The following LRFN2 variants were observed in gnomAD, a reference collection of about 807,000 sequenced individuals.
The protein encoded by LRFN2 is leucine rich repeat and fibronectin type III domain containing 2.
LRFN2 carries 18 observed loss-of-function variants against 37.3 expected under a neutral mutation model. The ratio of observed to expected loss-of-function variants is 0.48; its 90% CI spans 0.33 to 0.72. The LOEUF is 0.72. Among genes scored for constraint, LRFN2 ranks in the 30% least tolerant of loss-of-function variants. The pLI is 0.02. For synonymous variants in LRFN2, 556 were observed against 466.6 expected, an observed-to-expected ratio of 1.19 and a Z score of -2.47; for missense variants, 1,006 against 1,060.7, an observed-to-expected ratio of 0.95 and a Z score of 0.72.
chr6:40,418,052 C>T lies in LRFN2; in HGVS notation c.1400+13662G>A, dbSNP rs550788203. ...GCCCCAGCCCCAGAGGTTTCCGTCT[C>T]ATTCAAGATAAAATCCGAGGCCTCA... is the stretch of plus-strand genomic sequence containing the variant. On this transcript the variant is annotated intron_variant, in intron 2 of 2. Transcript: ENST00000338305. Among the ~76,000 whole-genome samples, 5 of 152,334 alleles carry T rather than the reference C, an allele frequency of 3.3e-5. No homozygotes were observed. In the South Asian group the frequency reaches 1.0e-3, roughly 32 times the overall value.
intron 1 of LRFN2, among the ~76,000 whole-genome samples, chr6:40,476,322 T>C (rs767862757): frequency 1.3e-5 from 2 of 152,250 alleles, no homozygotes; most frequent in Admixed American, 1.3e-4. Flanking sequence ...CTTTCTTTGA[T>C]AACACAGATG....
At chr6:40,532,616 G>T (rs1766367135) in intron 1 of LRFN2, among the ~76,000 whole-genome samples, 1 of 152,148 alleles carries the variant, frequency 6.6e-6, no homozygotes, top group Non-Finnish European at 1.5e-5. Context: ...CGGAAATCCT[G>T]TACCTCCTCC....
At chr6:40,568,124 T>C (rs1767122242) in intron 1 of LRFN2, among the ~76,000 whole-genome samples, 2 of 152,196 alleles carry the variant, frequency 1.3e-5, no homozygotes, top group African/African-American at 4.8e-5. Context: ...TTGACAGCAA[T>C]CTACTGACTG....
chr6:40,519,558 G>A (rs1765988928), intron 1 of LRFN2, among the ~76,000 whole-genome samples: 1 of 152,174 alleles, frequency 6.6e-6, no homozygotes, highest in African/African-American at 2.4e-5. Flanking sequence ...CTCCACTATG[G>A]CCATGACAAG....
At chr6:40,440,657 A>G (rs1434317752) in intron 1 of LRFN2, among the ~76,000 whole-genome samples, 1 of 152,106 alleles carries the variant, frequency 6.6e-6, no homozygotes, top group Non-Finnish European at 1.5e-5. Flanking sequence ...ACAGTCCCCA[A>G]CCAATGCTAG....
At chr6:40,540,209 C>T (rs143723097) in intron 1 of LRFN2, among the ~76,000 whole-genome samples, 23 of 152,318 alleles carry the variant, frequency 1.5e-4, no homozygotes, top group African/African-American at 5.5e-4. Flanking sequence ...CGGGGAAATA[C>T]TACTCAAAGT....
intron 1 of LRFN2, among the ~76,000 whole-genome samples, chr6:40,439,284 C>T (rs1763774849): frequency 6.6e-6 from 1 of 152,188 alleles, no homozygotes; most frequent in Non-Finnish European, 1.5e-5. Flanking sequence ...AATGGCCCCT[C>T]CAGGGTGCTC....
intron 1 of LRFN2, among the ~76,000 whole-genome samples, chr6:40,535,626 C>T (rs536541650): frequency 6.6e-6 from 1 of 152,270 alleles, no homozygotes; most frequent in East Asian, 1.9e-4. Context: ...GAGCCAGGCA[C>T]CCTCCTCCTG....
intron 1 of LRFN2, among the ~76,000 whole-genome samples, chr6:40,496,695 TC>T (rs1410175259): frequency 6.6e-6 from 1 of 152,012 alleles, no homozygotes; most frequent in Non-Finnish European, 1.5e-5. Flanking sequence ...TCTGCACTAA[TC>T]TATTTTATCT....
At chr6:40,532,264 C>T (rs1766357323) in intron 1 of LRFN2, among the ~76,000 whole-genome samples, 1 of 152,164 alleles carries the variant, frequency 6.6e-6, no homozygotes, top group East Asian at 1.9e-4. Flanking sequence ...GTCATCATAT[C>T]CCAGAGATGG....
intron 1 of LRFN2, among the ~76,000 whole-genome samples, chr6:40,456,383 T>C (rs1179280301): frequency 6.6e-6 from 1 of 152,142 alleles, no homozygotes; most frequent in Admixed American, 6.5e-5. Flanking sequence ...TCCTAGGAAA[T>C]GAATCTAGGA....
In LRFN2 at chr6:40,465,750, T is replaced by A. The variant is rs543474864; in HGVS notation, c.-18-32619A>T. On this transcript the variant is annotated intron_variant, in intron 1 of 2. Transcript: ENST00000338305. ...TCTGGGAATTTGGGGACTGGAGAGA[T>A]ACCCCACAATACCAGGAGTGAGGAG... Among the ~76,000 whole-genome samples the A allele has an allele frequency of 3.3e-4, 50 of 152,186 alleles. 1 individual carries two copies. The South Asian group carries it at 0.01, about 31-fold the overall frequency.
chr6:40,488,201 A>C (rs1200388059), intron 1 of LRFN2, among the ~76,000 whole-genome samples: 1 of 152,142 alleles, frequency 6.6e-6, no homozygotes, highest in African/African-American at 2.4e-5. Context: ...CAAGGAGAGC[A>C]CCTGTCAGGA....
intron 1 of LRFN2, among the ~76,000 whole-genome samples, chr6:40,541,005 G>A (rs920588606): frequency 1.3e-5 from 2 of 152,222 alleles, no homozygotes; most frequent in Non-Finnish European, 2.9e-5. Context: ...ATGCTGTTAT[G>A]CTGTGGCCCC....
At chr6:40,582,616 A>G (rs556218924) in intron 1 of LRFN2, among the ~76,000 whole-genome samples, 2 of 151,198 alleles carry the variant, frequency 1.3e-5, no homozygotes, top group East Asian at 3.9e-4. Flanking sequence ...CAAATCAAAG[A>G]TGCCCTGATT....
rs377250295 is a variant in LRFN2 at position 40,433,060 on chromosome 6, G to A, written c.54C>T (p.Val18=). ...LLAFGMAFAV[V]DACPKYCVCQ... ...AGACACAGTACTTGGGGCAGGCGTC[G>A]ACCACGGCAAACGCCATGCCAAACG... The change falls in exon 2 of 3, where the codon GTC becomes GTT. Residue 18 remains valine, a synonymous_variant. Transcript: ENST00000338305. 164 of 1,552,318 alleles carry A rather than the reference G, an allele frequency of 1.1e-4. No homozygotes were observed. Among genetic ancestry groups the A allele is most frequent in the Middle Eastern group, 1.0e-3 (6 of 5,762 alleles).
chr6:40,416,389 G>T, intron 2 of LRFN2, among the ~76,000 whole-genome samples: 1 of 120,484 alleles, frequency 8.3e-6, no homozygotes, highest in Non-Finnish European at 1.6e-5. Context: ...CCTGCATGAG[G>T]TCAGCCAACA....
chr6:40,420,607 A>G (rs1581691512), intron 2 of LRFN2, among the ~76,000 whole-genome samples: 1 of 152,178 alleles, frequency 6.6e-6, no homozygotes, highest in Non-Finnish European at 1.5e-5. Context: ...ACGCCTCCCC[A>G]ACATCCATTC....
intron 2 of LRFN2, among the ~76,000 whole-genome samples, chr6:40,415,939 A>G (rs1292567445): frequency 6.6e-6 from 1 of 152,244 alleles, no homozygotes; most frequent in Non-Finnish European, 1.5e-5. Context: ...TATGCCTAAT[A>G]AGGATGAAGG....
Sources: gnomAD v4.1 joint callset for allele counts (sites outside exome capture counted in the v4.1 genomes callset) on GRCh38, gnomAD v4.1.1 for gene constraint, MANE v1.5 for transcripts, NCBI Gene and HGNC (gene_info 2026-07-23, HGNC 2026-07-21) for gene names.